The following GM2A variants were observed in gnomAD, a reference collection of about 807,000 sequenced individuals.
The protein encoded by GM2A is ganglioside GM2 activator.
GM2A carries 7 observed loss-of-function variants against 12.9 expected under a neutral mutation model. The observed-to-expected ratio is 0.54, with a 90% CI of 0.31 to 1.02. The LOEUF (loss-of-function observed/expected upper bound fraction) is 1.02. Ranked by LOEUF, GM2A falls within the 50% of genes least tolerant of loss-of-function variation. The pLI, the probability that GM2A is intolerant of heterozygous loss-of-function variation, is 0.05. For synonymous variants in GM2A, 101 were observed against 96.0 expected, an observed-to-expected ratio of 1.05 and a Z score of -0.30; for missense variants, 246 against 241.0, an observed-to-expected ratio of 1.02 and a Z score of -0.14.
intron 1 of GM2A, among the ~76,000 whole-genome samples, chr5:151,254,097 T>C (rs1161005078): frequency 6.6e-6 from 1 of 152,234 alleles, no homozygotes; most frequent in Non-Finnish European, 1.5e-5. Context: ...TTCAATTTGA[T>C]GGATAATTTC....
At chr5:151,258,835 G>A (rs1257922391) in intron 1 of GM2A, among the ~76,000 whole-genome samples, 1 of 152,206 alleles carries the variant, frequency 6.6e-6, no homozygotes, top group Non-Finnish European at 1.5e-5. Context: ...TTTTCTCTCT[G>A]AGACAGGGTG....
intron 2 of GM2A, among the ~76,000 whole-genome samples, chr5:151,265,119 A>G (rs1190161070): frequency 6.6e-6 from 1 of 152,126 alleles, no homozygotes; most frequent in Admixed American, 6.6e-5. Context: ...GCGGGGTAGA[A>G]GCAGGTTTGA....
At chr5:151,259,006 G>A (rs1392454115) in intron 1 of GM2A, among the ~76,000 whole-genome samples, 1 of 152,162 alleles carries the variant, frequency 6.6e-6, no homozygotes, top group Non-Finnish European at 1.5e-5. Context: ...GTCACATGCA[G>A]ATGTAGTGGT....
chr5:151,267,502 C>G lies in GM2A; in HGVS notation c.*51C>G. 1.2e-6 allele frequency: 2 copies of G among 1,612,730 alleles called. No individual in the cohort carries two copies. Among genetic ancestry groups the G allele is most frequent in the Non-Finnish European group, 1.7e-6 (2 of 1,179,528 alleles). The stretch of plus-strand genomic sequence containing the variant: ...AGCGGTGTGAGGAAGGTCCCTTTTC[C>G]TCTGTTTTGTGTTTGCCAAGGCCAA... On this transcript the variant is annotated 3_prime_UTR_variant, in exon 4 of 4. Transcript: ENST00000357164.
At chr5:151,265,764 T>G (rs1753872878) in intron 2 of GM2A, among the ~76,000 whole-genome samples, 1 of 152,118 alleles carries the variant, frequency 6.6e-6, no homozygotes, top group Admixed American at 6.5e-5. Context: ...AGGTGTGAAG[T>G]GTGTTCTAGA....
At chr5:151,255,671 T>C (rs888810794) in intron 1 of GM2A, among the ~76,000 whole-genome samples, 4 of 152,248 alleles carry the variant, frequency 2.6e-5, no homozygotes, top group African/African-American at 9.6e-5. Context: ...CATATAAATC[T>C]GTGGGCTTGG....
Position 151,267,407 on chromosome 5 carries a change from C to T in GM2A, c.538C>T (p.Arg180Cys), listed in dbSNP as rs771081390. 1.4e-5 allele frequency: 22 copies of T among 1,614,172 alleles called. No homozygotes were observed. In the East Asian group the frequency reaches 2.2e-4, roughly 16 times the overall value. The change falls in exon 4 of 4, where the codon CGT (arginine) becomes TGT (cysteine). Residue 180 changes from arginine (R) to cysteine (C), a missense_variant. Transcript: ENST00000357164. ...GAGCGTCCTGAGCAGCAGTGGGAAGCGTCTGGGCTGCATCAAGATCGCTGC... is the reference window on the plus strand; with the variant it reads ...GAGCGTCCTGAGCAGCAGTGGGAAGTGTCTGGGCTGCATCAAGATCGCTGC... ...IESVLSSSGK[R>C]LGCIKIAASL...
chr5:151,260,066 C>T, intron 2 of GM2A, 150 bp downstream of exon 2: 3 of 612,404 alleles, frequency 4.9e-6, no homozygotes, highest in Admixed American at 6.0e-5. Context: ...CACTCTTTCA[C>T]AGGTTCATGG....
At chr5:151,257,719 A>C (rs1228002443) in intron 1 of GM2A, among the ~76,000 whole-genome samples, 3 of 152,118 alleles carry the variant, frequency 2.0e-5, no homozygotes, top group African/African-American at 4.8e-5. Flanking sequence ...CATCTACTAC[A>C]TTTAGCCCAT....
rs541345989 is a variant in GM2A at position 151,268,763 on chromosome 5, G to T, written c.*1312G>T. ...GAAATCTTACCATTTTAAAAGATTGGCAGCTAATTATTTTTTTAAAAAGCT... is the reference window on the plus strand; with the variant it reads ...GAAATCTTACCATTTTAAAAGATTGTCAGCTAATTATTTTTTTAAAAAGCT... On this transcript the variant is annotated 3_prime_UTR_variant, in exon 4 of 4. Transcript: ENST00000357164. The T allele has an allele frequency of 5.1e-4, 340 of 663,070 alleles. 2 individuals carry two copies. In the African/African-American group the frequency reaches 6.3e-3, roughly 12 times the overall value. The allele number at this position is 663,070 out of a possible 1,614,324, so 41.1% of individuals were successfully genotyped here. A position where few individuals can be genotyped will look rare whatever the true frequency, so the allele number is the denominator to read the frequency against.
chr5:151,261,622 A>T (rs1753800595), intron 2 of GM2A, among the ~76,000 whole-genome samples: 1 of 151,418 alleles, frequency 6.6e-6, no homozygotes, highest in African/African-American at 2.4e-5. Flanking sequence ...TATTTTTAGT[A>T]GAGATGGGGT....
rs536229935 is a variant in GM2A at position 151,267,708 on chromosome 5, C to T, written c.*257C>T. On this transcript the variant is annotated 3_prime_UTR_variant, in exon 4 of 4. Coordinates refer to ENST00000357164, the MANE Select transcript of GM2A (RefSeq NM_000405.5). ...CTGGGCTGACCACGTTACTCATCCCCGTTAACATTCTCTCTAAAGAGCCTC... is the reference window on the plus strand; with the variant it reads ...CTGGGCTGACCACGTTACTCATCCCTGTTAACATTCTCTCTAAAGAGCCTC... 2.7e-5 allele frequency: 38 copies of T among 1,400,038 alleles called. No individual in the cohort carries two copies. The African/African-American group carries it at 2.9e-4, about 11-fold the overall frequency. The allele number at this position is 1,400,038 out of a possible 1,614,324, so 86.7% of individuals were successfully genotyped here. A position where few individuals can be genotyped will look rare whatever the true frequency, so the allele number is the denominator to read the frequency against.
In GM2A at chr5:151,267,651, G is replaced by T; in HGVS notation, c.*200G>T. The T allele has an allele frequency of 6.6e-7, 1 of 1,506,436 alleles. No individual in the cohort carries two copies. Among genetic ancestry groups the T allele is most frequent in the Non-Finnish European group, 8.9e-7 (1 of 1,127,952 alleles). 93.3% of individuals were successfully genotyped at this position (1,506,436 alleles called of 1,614,324 possible). A position where few individuals can be genotyped will look rare whatever the true frequency, so the allele number is the denominator to read the frequency against. ...GCAGCCCTGACCTAAGGGAGAATGA[G>T]TTGGACAGTTCTTGATAGCCCAGGG... On this transcript the variant is annotated 3_prime_UTR_variant, in exon 4 of 4. Coordinates refer to ENST00000357164, the MANE Select transcript of GM2A (RefSeq NM_000405.5).
chr5:151,253,942 C>T (rs1164151278), intron 1 of GM2A, among the ~76,000 whole-genome samples: 2 of 152,210 alleles, frequency 1.3e-5, no homozygotes, highest in Admixed American at 6.5e-5. Context: ...AATCCCTTCA[C>T]CTGAAAAAGC....
Position 151,269,160 on chromosome 5 carries a change from A to G in GM2A, c.*1709A>G, listed in dbSNP as rs1386897196. 1 of 985,306 alleles carries G rather than the reference A, an allele frequency of 1.0e-6. No homozygotes were observed. The highest frequency in any genetic ancestry group is 1.2e-6 in the Non-Finnish European group (1 of 829,936). The allele number at this position is 985,306 out of a possible 1,614,324, so 61.0% of individuals were successfully genotyped here. A position where few individuals can be genotyped will look rare whatever the true frequency, so the allele number is the denominator to read the frequency against. ...TTTTCTACCACCCTGTTACATCATA[A>G]CAACTTCTGAAACACACACCAGCCC... On this transcript the variant is annotated 3_prime_UTR_variant, in exon 4 of 4. Coordinates refer to ENST00000357164, the MANE Select transcript of GM2A (RefSeq NM_000405.5).
intron 2 of GM2A, among the ~76,000 whole-genome samples, chr5:151,260,505 C>T (rs1753775783): frequency 6.6e-6 from 1 of 152,126 alleles, no homozygotes. Flanking sequence ...GTAATCCTAG[C>T]TACTCAGGAG....
At chr5:151,261,394 G>T (rs907739498) in intron 2 of GM2A, among the ~76,000 whole-genome samples, 12 of 152,112 alleles carry the variant, frequency 7.9e-5, no homozygotes, top group Non-Finnish European at 1.5e-4. Context: ...CAAGTCTATT[G>T]TTGAACATTT....
chr5:151,269,106 G>A lies in GM2A; in HGVS notation c.*1655G>A, dbSNP rs1580793988. 4 of 985,492 alleles carry A rather than the reference G, an allele frequency of 4.1e-6. No individual in the cohort carries two copies. The highest frequency in any genetic ancestry group is 4.8e-6 in the Non-Finnish European group (4 of 829,964). 61.0% of individuals were successfully genotyped at this position (985,492 alleles called of 1,614,324 possible). A position where few individuals can be genotyped will look rare whatever the true frequency, so the allele number is the denominator to read the frequency against. On this transcript the variant is annotated 3_prime_UTR_variant, in exon 4 of 4. Coordinates refer to ENST00000357164, the MANE Select transcript of GM2A (RefSeq NM_000405.5). Reference sequence around the variant, plus strand: ...TTGGAGCAGGGGTCCAAGGAAGAGAGGGTGGCCTCGACATCAAACTGCCTG... The same window carrying A: ...TTGGAGCAGGGGTCCAAGGAAGAGAAGGTGGCCTCGACATCAAACTGCCTG...
intron 2 of GM2A, among the ~76,000 whole-genome samples, chr5:151,262,893 G>C (rs1489309625): frequency 3.3e-5 from 5 of 152,068 alleles, no homozygotes; most frequent in African/African-American, 1.2e-4. Context: ...TGGCAAACCC[G>C]CTCTTCTGCC....
Sources: allele counts gnomAD v4.1 joint callset (sites outside exome capture counted in the v4.1 genomes callset), GRCh38; gene constraint gnomAD v4.1.1; transcripts MANE v1.5; gene names NCBI Gene and HGNC (gene_info 2026-07-23, HGNC 2026-07-21).